Variants in LNPK observed in about 807,000 individuals in gnomAD.
LNPK encodes endoplasmic reticulum junction formation protein lunapark.
A neutral mutation model predicts 55.2 loss-of-function variants in LNPK; 29 were observed. That is an observed-to-expected ratio of 0.53 (90% confidence interval 0.39 to 0.72). The LOEUF (loss-of-function observed/expected upper bound fraction) is 0.72. Ranked by LOEUF, LNPK falls within the 30% of genes least tolerant of loss-of-function variation. LNPK has a pLI of 0.00. For missense variants in LNPK, 467 were observed against 494.8 expected, an observed-to-expected ratio of 0.94 and a Z score of 0.53; for synonymous variants, 162 against 168.2, an observed-to-expected ratio of 0.96 and a Z score of 0.29.
chr2:175,967,481 A>C (rs1208426316), intron 6 of LNPK: 1 of 210,698 alleles, frequency 4.7e-6, no homozygotes, highest in Non-Finnish European at 8.2e-6. Flanking sequence ...TTCTTGAAAC[A>C]GAATTTTAAA....
chr2:175,968,705 T>G (rs2105645929), intron 6 of LNPK, among the ~76,000 whole-genome samples: 1 of 152,230 alleles, frequency 6.6e-6, no homozygotes, highest in East Asian at 1.9e-4. Context: ...AATTGATAAT[T>G]CATATCTGTC....
chr2:175,961,683 G>A (rs1325290343), intron 8 of LNPK, among the ~76,000 whole-genome samples: 1 of 152,154 alleles, frequency 6.6e-6, no homozygotes, highest in Non-Finnish European at 1.5e-5. Flanking sequence ...ATTCAACATA[G>A]GGTTGGAAGT....
At chr2:175,994,181 G>A (rs1687829653) in intron 2 of LNPK, 1 of 981,612 alleles carries the variant, frequency 1.0e-6, no homozygotes, top group Non-Finnish European at 1.2e-6. Flanking sequence ...TCAGTTCATT[G>A]TAGTTTCCAT....
intron 2 of LNPK, among the ~76,000 whole-genome samples, chr2:175,993,894 A>T (rs1305110131): frequency 6.6e-6 from 1 of 152,214 alleles, no homozygotes; most frequent in Admixed American, 6.5e-5. Context: ...ACATTGAAAA[A>T]AATTACAGAC....
chr2:175,998,233 A>G (rs1688021938), intron 1 of LNPK, among the ~76,000 whole-genome samples: 2 of 152,042 alleles, frequency 1.3e-5, no homozygotes, highest in South Asian at 2.1e-4. Flanking sequence ...CACAAGGTCA[A>G]GAGTTCAAGA....
intron 9 of LNPK, among the ~76,000 whole-genome samples, chr2:175,944,999 A>G (rs778035186): frequency 6.6e-6 from 1 of 151,614 alleles, no homozygotes; most frequent in Non-Finnish European, 1.5e-5. Flanking sequence ...CCCAGGTTCC[A>G]GCAATTCTCC....
intron 4 of LNPK, among the ~76,000 whole-genome samples, chr2:175,989,675 A>T (rs1462717202): frequency 6.6e-6 from 1 of 152,144 alleles, no homozygotes; most frequent in Non-Finnish European, 1.5e-5. Flanking sequence ...TACGGTGTGT[A>T]GCCTTAATGA....
chr2:175,981,236 C>T (rs1261039788), intron 4 of LNPK, among the ~76,000 whole-genome samples: 2 of 152,166 alleles, frequency 1.3e-5, no homozygotes, highest in East Asian at 1.9e-4. Context: ...CATTTTGGGC[C>T]TCCTCTTTCA....
At position 175,995,597 on chromosome 2, in the gene LNPK, G is replaced by C. The variant is rs1490732276; in HGVS notation, c.-13C>G. The C allele has an allele frequency of 6.2e-7, 1 of 1,604,944 alleles. No homozygotes were observed. The highest frequency in any genetic ancestry group is 8.5e-7 in the Non-Finnish European group (1 of 1,172,520). The stretch of plus-strand genomic sequence containing the variant: ...ATAATCCACCCATCTTTTATTTGTA[G>C]AAACTGGGCACAATGATAAATATCA... On this transcript the variant is annotated 5_prime_UTR_variant, in exon 2 of 13. Coordinates refer to ENST00000272748, the MANE Select transcript of LNPK (RefSeq NM_030650.3).
chr2:175,952,153 A>C (rs916295928), intron 8 of LNPK, among the ~76,000 whole-genome samples: 3 of 151,972 alleles, frequency 2.0e-5, no homozygotes, highest in Admixed American at 6.6e-5. Context: ...GTGTTGGCAA[A>C]ACTACAAAGG....
chr2:176,000,346 T>C (rs1688114514), intron 1 of LNPK, among the ~76,000 whole-genome samples: 1 of 152,224 alleles, frequency 6.6e-6, no homozygotes, highest in African/African-American at 2.4e-5. Flanking sequence ...CTACACTTCA[T>C]AGAATTGTTG....
At chr2:175,952,944 A>G (rs914748458) in intron 8 of LNPK, among the ~76,000 whole-genome samples, 1 of 152,066 alleles carries the variant, frequency 6.6e-6, no homozygotes, top group East Asian at 1.9e-4. Context: ...ATTTATATCA[A>G]TCCTTTGGGG....
intron 8 of LNPK, among the ~76,000 whole-genome samples, chr2:175,951,276 G>A (rs1685383796): frequency 6.6e-6 from 1 of 151,924 alleles, no homozygotes; most frequent in South Asian, 2.1e-4. Context: ...GGTTACATGA[G>A]TAAGTTCTTT....
chr2:175,986,268 C>T (rs1687405973), intron 4 of LNPK, among the ~76,000 whole-genome samples: 1 of 151,844 alleles, frequency 6.6e-6, no homozygotes, highest in African/African-American at 2.4e-5. Flanking sequence ...AATAACATTC[C>T]ACCAAAAAAA....
At chr2:175,987,624 G>GT (rs1280121254) in intron 4 of LNPK, among the ~76,000 whole-genome samples, 1 of 151,436 alleles carries the variant, frequency 6.6e-6, no homozygotes, top group Non-Finnish European at 1.5e-5. Context: ...GTAAACATAT[G>GT]TAACAAACCT....
intron 9 of LNPK, among the ~76,000 whole-genome samples, chr2:175,946,260 C>T (rs1431331961): frequency 6.6e-6 from 1 of 151,952 alleles, no homozygotes; most frequent in Non-Finnish European, 1.5e-5. Flanking sequence ...TCCATACATT[C>T]GCACCCAAAA....
rs747893191 is a variant in LNPK, at chr2:175,947,519, T to C, written c.667A>G (p.Arg223Gly). 3 of 1,613,832 alleles carry C rather than the reference T, an allele frequency of 1.9e-6. No homozygotes were observed. The highest frequency in any genetic ancestry group is 2.7e-5 in the African/African-American group (2 of 74,936). ...TPALSSNVLP[R>G]HLGSPATSVP... ...GAAGTAGCAGGGGATCCAAGATGTC[T>C]TGGTAACACATTTGATGATAGGGCT... Residue 223 changes from arginine to glycine, a missense_variant, in exon 9 of 13, where the codon AGA becomes GGA. Arg to Gly is a moderately radical substitution (Grantham distance 125, BLOSUM62 -2). Coordinates refer to ENST00000272748, the MANE Select transcript of LNPK (RefSeq NM_030650.3).
rs1254415849 is a variant in LNPK, at chr2:175,938,394, A to C, written c.813-11T>G. On this transcript the variant is annotated splice_polypyrimidine_tract_variant and intron_variant, in intron 10 of 12. Transcript: ENST00000272748. ...CATATAAGTGCATACCTACACCGTA[A>C]GGAAAAATGAACAGACCAGTTACAA... 1 of 1,536,532 alleles carries C rather than the reference A, an allele frequency of 6.5e-7. No individual in the cohort carries two copies. The highest frequency in any genetic ancestry group is 2.3e-5 in the East Asian group (1 of 43,916).
rs1246628704 is a variant in LNPK at position 175,963,062 on chromosome 2, C to G, written c.493+1310G>C. ...TTAAAAAGTCAGGAAACAACAGGTG[C>G]TGGAGAGGATGTGGAGAAATAGGAA... is the stretch of plus-strand genomic sequence containing the variant. On this transcript the variant is annotated intron_variant, in intron 8 of 12. Transcript: ENST00000272748. Among the ~76,000 whole-genome samples the G allele has an allele frequency of 2.0e-5, 3 of 147,314 alleles. No individual in the cohort carries two copies. The Admixed American group carries it at 2.0e-4, about 10-fold the overall frequency.
Sources: allele counts gnomAD v4.1 joint callset (sites outside exome capture counted in the v4.1 genomes callset), GRCh38; gene constraint gnomAD v4.1.1; transcripts MANE v1.5; gene names NCBI Gene and HGNC (gene_info 2026-07-23, HGNC 2026-07-21).